The following LAMP1 variants were observed in gnomAD, a reference collection of about 807,000 sequenced individuals.
LAMP1 encodes lysosome-associated membrane glycoprotein 1.
Under a neutral mutation model 37.5 loss-of-function variants are expected in LAMP1, and 7 were observed. That is an observed-to-expected ratio of 0.19 (90% confidence interval 0.11 to 0.35). The LOEUF is 0.35. Ranked by LOEUF, LAMP1 falls within the 10% of genes least tolerant of loss-of-function variation. The pLI is 1.00. For synonymous variants in LAMP1, 236 were observed against 229.1 expected, an observed-to-expected ratio of 1.03 and a Z score of -0.27; for missense variants, 537 against 552.8, an observed-to-expected ratio of 0.97 and a Z score of 0.29.
intron 1 of LAMP1, among the ~76,000 whole-genome samples, chr13:113,299,485 G>C (rs1027296768): frequency 6.6e-6 from 1 of 151,646 alleles, no homozygotes; most frequent in Admixed American, 6.6e-5. Flanking sequence ...GACTGGTCTC[G>C]ATCTCCCGAC....
chr13:113,315,856 A>G (rs1046334870), intron 4 of LAMP1, among the ~76,000 whole-genome samples: 5 of 151,736 alleles, frequency 3.3e-5, no homozygotes, highest in African/African-American at 1.2e-4. Context: ...TAATCCCAGC[A>G]CTTTGGGAAC....
At chr13:113,299,669 A>C (rs1321519682) in intron 1 of LAMP1, among the ~76,000 whole-genome samples, 11 of 151,670 alleles carry the variant, frequency 7.3e-5, no homozygotes, top group Admixed American at 7.2e-4. Context: ...CTTGTGTTCA[A>C]GCAGTTCTCC....
intron 1 of LAMP1, among the ~76,000 whole-genome samples, chr13:113,301,627 TA>T (rs1161593860): frequency 0.01 from 98 of 9,380 alleles, 1 homozygote; most frequent in South Asian, 0.033. Flanking sequence ...TGTTTCCATT[TA>T]AAAAAAAAAA....
At position 113,323,198 on chromosome 13, in the gene LAMP1, G is replaced by C. The variant is rs1482236398; in HGVS notation, c.*777G>C. On this transcript the variant is annotated 3_prime_UTR_variant, in exon 9 of 9. Coordinates refer to ENST00000332556, the MANE Select transcript of LAMP1 (RefSeq NM_005561.4). ...TCCTTGGGCGTCTCTAATGTCTGCA[G>C]CTCAAGGGCTGGCACTTTTTTAAAT... 1 of 152,190 alleles carries C rather than the reference G, an allele frequency of 6.6e-6. No homozygotes were observed. Among genetic ancestry groups the C allele is most frequent in the South Asian group, 2.1e-4 (1 of 4,830 alleles). The allele number at this position is 152,190 out of a possible 1,614,324, so 9.4% of individuals were successfully genotyped here. A position where few individuals can be genotyped will look rare whatever the true frequency, so the allele number is the denominator to read the frequency against.
intron 2 of LAMP1, among the ~76,000 whole-genome samples, chr13:113,307,000 C>T (rs2042603051): frequency 6.6e-6 from 1 of 151,228 alleles, no homozygotes; most frequent in Non-Finnish European, 1.5e-5. Context: ...CCACCACGCA[C>T]AGCTAATATT....
chr13:113,314,470 A>C (rs1448517711), intron 4 of LAMP1, among the ~76,000 whole-genome samples: 1 of 33,436 alleles, frequency 3.0e-5, no homozygotes. Context: ...CCTGGAGGGA[A>C]CCAGTGTGGA....
chr13:113,319,465 G>A lies in LAMP1; in HGVS notation c.563-4G>A. 6.2e-7 allele frequency: 1 copy of A among 1,602,354 alleles called. No homozygotes were observed. Among genetic ancestry groups the A allele is most frequent in the Middle Eastern group, 1.7e-4 (1 of 6,006 alleles). ...ACCTGAATCTCCCTCCACTGCACCTGCAGAGACACGCTGTGAACAAGACAG... is the reference window on the plus strand; with the variant it reads ...ACCTGAATCTCCCTCCACTGCACCTACAGAGACACGCTGTGAACAAGACAG... On this transcript the variant is annotated splice_polypyrimidine_tract_variant and splice_region_variant and intron_variant, in intron 4 of 8. Transcript: ENST00000332556.
In LAMP1 at chr13:113,322,498, C is replaced by A; in HGVS notation, c.*77C>A. 7.1e-7 allele frequency: 1 copy of A among 1,404,678 alleles called. No homozygotes were observed. The highest frequency in any genetic ancestry group is 9.6e-7 in the Non-Finnish European group (1 of 1,040,846). 87.0% of individuals were successfully genotyped at this position (1,404,678 alleles called of 1,614,324 possible). On this transcript the variant is annotated 3_prime_UTR_variant, in exon 9 of 9. Transcript: ENST00000332556. ...GCTTAGGGTCCTGTCGAAGGGGAGG[C>A]ACACTTTCTGGCAAACGTTTCTCAA...
rs61750830 is a variant in LAMP1, at chr13:113,309,689, G to A, written c.230G>A (p.Arg77His). ...LPSDATVVLN[R>H]SSCGKENTSD... ...TCAGATGCCACAGTGGTGCTCAACC[G>A]CAGCTCCTGTGGAAAAGAGAACACT... Residue 77 changes from arginine (R) to histidine (H), a missense_variant, in exon 3 of 9, where the codon CGC (arginine) becomes CAC (histidine). Physicochemically the swap from Arg to His is conservative, Grantham distance 29. Transcript: ENST00000332556. 3.0e-5 allele frequency: 49 copies of A among 1,613,998 alleles called. No individual in the cohort carries two copies. The highest frequency in any genetic ancestry group is 1.6e-4 in the Middle Eastern group (1 of 6,084).
chr13:113,303,319 G>T (rs73582814), intron 1 of LAMP1, among the ~76,000 whole-genome samples: 1,769 of 152,308 alleles, frequency 0.012, 42 homozygotes, highest in African/African-American at 0.039. Flanking sequence ...TCTCCCAAGT[G>T]GGGGTATTTT....
chr13:113,323,424 T>C lies in LAMP1; in HGVS notation c.*1003T>C, dbSNP rs1566407057. On this transcript the variant is annotated 3_prime_UTR_variant, in exon 9 of 9. Transcript: ENST00000332556. The stretch of plus-strand genomic sequence containing the variant: ...ACAATGTAATAAAAAGCCTCTTTCT[T>C]TTTGGGGTGGGCCTTGTCCTTCTGT... 6.6e-6 allele frequency: 1 copy of C among 151,666 alleles called. No homozygotes were observed. 9.4% of individuals were successfully genotyped at this position (151,666 alleles called of 1,614,324 possible).
chr13:113,322,053 C>G (rs2042703896), intron 8 of LAMP1: 4 of 584,008 alleles, frequency 6.8e-6, no homozygotes, highest in Non-Finnish European at 1.2e-5. Flanking sequence ...AGCTGTCCGG[C>G]CACAGCCCCT....
chr13:113,301,694 T>TAC (rs200969821), intron 1 of LAMP1, among the ~76,000 whole-genome samples: 27 of 139,146 alleles, frequency 1.9e-4, no homozygotes, highest in South Asian at 6.8e-4. Context: ...TATATATATT[T>TAC]ACACACACAC....
In LAMP1 at chr13:113,297,446, C is replaced by A; in HGVS notation, c.12C>A (p.Pro4=). 3 of 1,101,740 alleles carry A rather than the reference C, an allele frequency of 2.7e-6. No individual in the cohort carries two copies. Among genetic ancestry groups the A allele is most frequent in the Middle Eastern group, 3.4e-4 (1 of 2,962 alleles). The allele number at this position is 1,101,740 out of a possible 1,614,324, so 68.2% of individuals were successfully genotyped here. ...GGCCGCCTCGCGCCATGGCGGCCCC[C>A]GGCAGCGCCCGGCGACCCCTGCTGC... The part of the protein sequence containing the change: MAA[P]GSARRPLLLL... The change falls in exon 1 of 9, where the codon CCC becomes CCA. Residue 4 remains proline (P), a synonymous_variant. Transcript: ENST00000332556. The surrounding 1 kb of genome is among the most constrained non-coding windows in gnomAD (Gnocchi z 4.4).
intron 1 of LAMP1, among the ~76,000 whole-genome samples, chr13:113,303,577 T>G (rs1256525614): frequency 6.6e-6 from 1 of 152,096 alleles, no homozygotes; most frequent in South Asian, 2.1e-4. Context: ...TAAAAAAACT[T>G]CTGACCCTTA....
chr13:113,297,773 G>A lies in LAMP1; in HGVS notation c.61+278G>A, dbSNP rs2042550679. Among the ~76,000 whole-genome samples the A allele has an allele frequency of 6.6e-6, 1 of 152,244 alleles. No homozygotes were observed. The highest frequency in any genetic ancestry group is 1.5e-5 in the Non-Finnish European group (1 of 68,052). On this transcript the variant is annotated intron_variant, in intron 1 of 8. Transcript: ENST00000332556. This position sits in a 1 kb window ranked among gnomAD's most constrained non-coding sequence, Gnocchi z 4.4. ...CTGAACTCAGTTTTTCTGTGGTGGT[G>A]AGTGCGAAAGGGAACTTCCGATGGC...
intron 1 of LAMP1, among the ~76,000 whole-genome samples, chr13:113,301,644 AATATATATATATATATATATAT>A (rs1178393830): frequency 2.3e-3 from 9 of 3,874 alleles, no homozygotes; most frequent in African/African-American, 6.4e-3. Context: ...AAAAAAAAAA[AATATATATATATATATATATAT>A]ATATATATAT....
chr13:113,304,371 T>G (rs1410611429), intron 1 of LAMP1, among the ~76,000 whole-genome samples: 1 of 152,366 alleles, frequency 6.6e-6, no homozygotes, highest in East Asian at 1.9e-4. Context: ...CTGCTGTGTC[T>G]GCCTGTCCGC....
At chr13:113,306,310 T>A (rs534450354) in intron 1 of LAMP1, 175 bp from the exon 2 acceptor site, 2 of 571,048 alleles carry the variant, frequency 3.5e-6, no homozygotes, top group East Asian at 3.5e-5. Context: ...TGAGCTGAGA[T>A]CACGCCACTG....
Sources: gnomAD v4.1 joint callset for allele counts (sites outside exome capture counted in the v4.1 genomes callset) on GRCh38, gnomAD v4.1.1 for gene constraint, Gnocchi (gnomAD v3.1) non-coding constraint, MANE v1.5 for transcripts, NCBI Gene and HGNC (gene_info 2026-07-23, HGNC 2026-07-21) for gene names.